ALPG: variants seen among roughly 807,000 people sequenced by gnomAD.
ALPG encodes alkaline phosphatase, germ cell type.
A neutral mutation model predicts 48.6 loss-of-function variants in ALPG; 32 were observed. That is an observed-to-expected ratio of 0.66 (90% CI 0.50 to 0.88). The LOEUF (loss-of-function observed/expected upper bound fraction) is 0.88, where lower values mean the gene tolerates loss of function less well. ALPG is among the 40% of genes least tolerant of loss of function. The probability of loss-of-function intolerance (pLI) is 0.00; values close to 1 mark genes in which losing one functional copy is unlikely to be tolerated. For synonymous variants in ALPG, 244 were observed against 308.9 expected, an observed-to-expected ratio of 0.79 and a Z score of 2.20; for missense variants, 533 against 718.1, an observed-to-expected ratio of 0.74 and a Z score of 2.95.
At position 232,407,786 on chromosome 2, in the gene ALPG, G is replaced by A. The variant is rs1470320423; in HGVS notation, c.475+18G>A. ...GAAAGCAGGTGAGCTGGGGCCCGCT[G>A]TGGGGTCAGGGCCAGGTGACAGACC... On this transcript the variant is annotated intron_variant, in intron 4 of 10. Transcript: ENST00000295453. The A allele has an allele frequency of 6.2e-7, 1 of 1,613,802 alleles. No individual in the cohort carries two copies. The highest frequency in any genetic ancestry group is 1.7e-5 in the Admixed American group (1 of 60,024).
At position 232,408,733 on chromosome 2, in the gene ALPG, G is replaced by T. The variant is rs1209364094; in HGVS notation, c.886G>T (p.Glu296Ter). 2 of 1,352,540 alleles carry T rather than the reference G, an allele frequency of 1.5e-6. No homozygotes were observed. The highest frequency in any genetic ancestry group is 2.1e-5 in the African/African-American group (1 of 48,484). The allele number at this position is 1,352,540 out of a possible 1,614,324, so 83.8% of individuals were successfully genotyped here. ...CTTTGAGCCTGGAGACATGAAATAC[G>T]AGATCCACCGAGACTCCACACTGGA... is the stretch of plus-strand genomic sequence containing the variant. ...GLFEPGDMKYEIHRDSTLDPS... is the reference protein window; with the variant it reads ...GLFEPGDMKY The change falls in exon 8 of 11, where the codon GAG becomes TAG. Residue 296 changes from glutamate (E) to a stop codon, truncating the protein, a stop_gained. Transcript: ENST00000295453. LOFTEE classifies it high-confidence loss of function.
Position 232,410,013 on chromosome 2 carries a change from C to A in ALPG, c.*141C>A. On this transcript the variant is annotated 3_prime_UTR_variant, in exon 11 of 11. Coordinates refer to ENST00000295453, the MANE Select transcript of ALPG (RefSeq NM_031313.3). ...GTCCTGCCATGGAACCTTCCCCTCCCGGTGCACCCTGGGGACCGAGCCCTT... is the reference window on the plus strand; with the variant it reads ...GTCCTGCCATGGAACCTTCCCCTCCAGGTGCACCCTGGGGACCGAGCCCTT... 1 of 1,297,170 alleles carries A rather than the reference C, an allele frequency of 7.7e-7. No homozygotes were observed. Among genetic ancestry groups the A allele is most frequent in the Non-Finnish European group, 1.0e-6 (1 of 973,710 alleles). The allele number at this position is 1,297,170 out of a possible 1,614,324, so 80.4% of individuals were successfully genotyped here.
chr2:232,407,294 G>A lies in ALPG; in HGVS notation c.193G>A (p.Val65Met). The A allele has an allele frequency of 6.2e-7, 1 of 1,614,012 alleles. No individual in the cohort carries two copies. Among genetic ancestry groups the A allele is most frequent in the Non-Finnish European group, 8.5e-7 (1 of 1,180,008 alleles). ...CACTTCTGCTCCTTCAGGGATGGGGGTGTCTACGGTGACAGCTGCCAGGAT... is the reference window on the plus strand; with the variant it reads ...CACTTCTGCTCCTTCAGGGATGGGGATGTCTACGGTGACAGCTGCCAGGAT... ...LIIFLGDGMG[V>M]STVTAARILK... The change falls in exon 3 of 11, where the codon GTG (valine) becomes ATG (methionine). Residue 65 changes from valine (V) to methionine (M), a missense_variant. Physicochemically the swap from Val to Met is conservative, Grantham distance 21. Around this residue, in one of 6 missense-constraint regions of ALPG, gnomAD observed 315 missense variants for 305.8 expected, o/e 1.03. Transcript: ENST00000295453.
At chr2:232,408,219 G>A (rs549828948) in intron 5 of ALPG, 48 bp from the exon 6 acceptor site, 9 of 1,608,130 alleles carry the variant, frequency 5.6e-6, no homozygotes, top group Admixed American at 3.3e-5. Flanking sequence ...GAGGGGACAC[G>A]GGGCCAGCCA....
Position 232,407,046 on chromosome 2 carries a change from C to T in ALPG, c.68-11C>T. 6.2e-7 allele frequency: 1 copy of T among 1,613,774 alleles called. No individual in the cohort carries two copies. Among genetic ancestry groups the T allele is most frequent in the Non-Finnish European group, 8.5e-7 (1 of 1,179,976 alleles). On this transcript the variant is annotated splice_polypyrimidine_tract_variant and intron_variant, in intron 1 of 10. Coordinates refer to ENST00000295453, the MANE Select transcript of ALPG (RefSeq NM_031313.3). ...CCAGGCTGACCTGATCTTTGCTCTC[C>T]CCCTGGCCAGTTGAGGAGGAGAACC...
chr2:232,409,990 C>T lies in ALPG; in HGVS notation c.*118C>T. ...ACCCCCGGAGTCGCCACACAGACGT[C>T]CTGCCATGGAACCTTCCCCTCCCGG... On this transcript the variant is annotated 3_prime_UTR_variant, in exon 11 of 11. Transcript: ENST00000295453. 1 of 1,404,730 alleles carries T rather than the reference C, an allele frequency of 7.1e-7. No individual in the cohort carries two copies. Among genetic ancestry groups the T allele is most frequent in the Non-Finnish European group, 9.4e-7 (1 of 1,068,590 alleles). The allele number at this position is 1,404,730 out of a possible 1,614,324, so 87.0% of individuals were successfully genotyped here.
At position 232,407,911 on chromosome 2, in the gene ALPG, A is replaced by C. The variant is rs374388513; in HGVS notation, c.542A>C (p.His181Pro). The C allele has an allele frequency of 6.2e-7, 1 of 1,613,500 alleles. No individual in the cohort carries two copies. Among genetic ancestry groups the C allele is most frequent in the Non-Finnish European group, 8.5e-7 (1 of 1,180,016 alleles). The change falls in exon 5 of 11, where the codon CAC becomes CCC. Residue 181 changes from histidine to proline, a missense_variant. By Grantham distance (77) the His-to-Pro change is moderately conservative. Transcript: ENST00000295453. ...QHASPAGAYA[H>P]TVNRNWYSDA... ...GCCTCGCCAGCCGGCGCCTACGCCC[A>C]CACGGTGAACCGCAACTGGTACTCG...
Position 232,410,529 on chromosome 2 carries a change from AGTT to A in ALPG, c.*658_*660del, listed in dbSNP as rs1437176460. The A allele has an allele frequency of 6.5e-6, 1 of 152,802 alleles. No homozygotes were observed. Among genetic ancestry groups the A allele is most frequent in the Non-Finnish European group, 1.5e-5 (1 of 68,572 alleles). The allele number at this position is 152,802 out of a possible 1,614,324, so 9.5% of individuals were successfully genotyped here. On this transcript the variant is annotated 3_prime_UTR_variant, in exon 11 of 11. Transcript: ENST00000295453. ...TAAGGTCCATTCCAGCACCCACCTG[AGTT>A]CCGAGGAGCACCTGGGAAGCTCTGG... is the stretch of plus-strand genomic sequence containing the variant.
Position 232,407,929 on chromosome 2 carries a change from GGTACTCGGATGCCGAC to G in ALPG, c.563_578del (p.Tyr188CysfsTer25). On this transcript the variant is annotated frameshift_variant, in exon 5 of 11. Transcript: ENST00000295453. LOFTEE classifies it high-confidence loss of function. ...TACGCCCACACGGTGAACCGCAACT[GGTACTCGGATGCCGAC>G]GTGCCTGCCTCGGCCCGCCAGGAGG... is the stretch of plus-strand genomic sequence containing the variant. 6.2e-7 allele frequency: 1 copy of G among 1,613,468 alleles called. No individual in the cohort carries two copies. The highest frequency in any genetic ancestry group is 8.5e-7 in the Non-Finnish European group (1 of 1,180,010).
In ALPG at chr2:232,409,773, C is replaced by T; in HGVS notation, c.1500C>T (p.Gly500=). 2 of 1,605,996 alleles carry T rather than the reference C, an allele frequency of 1.2e-6. No individual in the cohort carries two copies. The highest frequency in any genetic ancestry group is 1.1e-5 in the South Asian group (1 of 90,488). The change falls in exon 11 of 11, where the codon GGC becomes GGT. Residue 500 remains glycine, a synonymous_variant. Transcript: ENST00000295453. ...YTACDLAPRA[G]TTDAAHPGPS... is the part of the protein sequence containing the mutation. The stretch of plus-strand genomic sequence containing the variant: ...CCTGCGACCTGGCGCCCCGCGCCGG[C>T]ACCACCGACGCCGCGCACCCGGGGC...
rs781703646 is a variant in ALPG, at chr2:232,408,826, C to G, written c.979C>G (p.Leu327Val). Reference sequence around the variant, plus strand: ...GAGCAGGAACCCCCGCGGCTTCTTCCTCTTCGTGGAGGGTGCGTGGTGGCC... The same window carrying G: ...GAGCAGGAACCCCCGCGGCTTCTTCGTCTTCGTGGAGGGTGCGTGGTGGCC... Reference protein sequence around the residue: ...LLSRNPRGFFLFVEGGRIDHG... With the variant: ...LLSRNPRGFFVFVEGGRIDHG... The change falls in exon 8 of 11, where the codon CTC (leucine) becomes GTC (valine). Residue 327 changes from leucine (L) to valine (V), a missense_variant. This residue lies in a region of ALPG where 17 missense variants were observed against 56.2 expected (regional missense o/e 0.30). Coordinates refer to ENST00000295453, the MANE Select transcript of ALPG (RefSeq NM_031313.3). The G allele has an allele frequency of 1.0e-6, 1 of 992,640 alleles. No individual in the cohort carries two copies. The highest frequency in any genetic ancestry group is 1.4e-6 in the Non-Finnish European group (1 of 707,506). The allele number at this position is 992,640 out of a possible 1,614,324, so 61.5% of individuals were successfully genotyped here.
Position 232,408,021 on chromosome 2 carries a change from C to G in ALPG, c.648+4C>G, listed in dbSNP as rs370897967. On this transcript the variant is annotated splice_donor_region_variant and intron_variant, in intron 5 of 10. Coordinates refer to ENST00000295453, the MANE Select transcript of ALPG (RefSeq NM_031313.3). Reference sequence around the variant, plus strand: ...CATCTCCAACATGGACATTGATGTGCGACCCCCGGGCCAAGGGCTGGGGCT... The same window carrying G: ...CATCTCCAACATGGACATTGATGTGGGACCCCCGGGCCAAGGGCTGGGGCT... 3.6e-5 allele frequency: 58 copies of G among 1,606,480 alleles called. No individual in the cohort carries two copies. In the African/African-American group the frequency reaches 6.3e-4, roughly 17 times the overall value.
intron 10 of ALPG, 35 bp downstream of exon 10, chr2:232,409,483 A>T (rs776621008): frequency 1.9e-5 from 31 of 1,600,266 alleles, no homozygotes; most frequent in South Asian, 1.1e-5. Flanking sequence ...GAGGGGGACC[A>T]GGGTGCCAAG....
intron 5 of ALPG, 58 bp from the exon 6 acceptor site, chr2:232,408,209 G>C (rs973682863): frequency 1.1e-5 from 18 of 1,605,086 alleles, no homozygotes; most frequent in Non-Finnish European, 1.5e-5. Context: ...TGTGCATGAG[G>C]AGGGGACACG....
chr2:232,407,450 T>C, intron 3 of ALPG, 49 bp downstream of exon 3: 2 of 1,603,790 alleles, frequency 1.2e-6, no homozygotes, highest in Non-Finnish European at 1.7e-6. Context: ...AGGGGAATCC[T>C]GGCTATGGAG....
Position 232,407,743 on chromosome 2 carries a change from C to T in ALPG, c.450C>T (p.Ser150=), listed in dbSNP as rs147653632. The change falls in exon 4 of 11, where the codon TCC becomes TCT. Residue 150 remains serine (S), a synonymous_variant. Transcript: ENST00000295453. ...CNTTRGNEVI[S]VMNRAKKAGK... ...CGACACGCGGCAACGAGGTCATCTC[C>T]GTGATGAATCGGGCCAAGAAAGCAG... 4.5e-3 allele frequency: 7,192 copies of T among 1,613,756 alleles called. 83 individuals are homozygous for T. Among genetic ancestry groups the T allele is most frequent in the African/African-American group, 0.023 (1,754 of 75,034 alleles).
chr2:232,410,200 G>A lies in ALPG; in HGVS notation c.*328G>A, dbSNP rs1369018226. ...GGTGGATCAGGCAGGCTCTCTCCCCGGGGACATGAGGCACCCATACCTAGG... is the reference window on the plus strand; with the variant it reads ...GGTGGATCAGGCAGGCTCTCTCCCCAGGGACATGAGGCACCCATACCTAGG... On this transcript the variant is annotated 3_prime_UTR_variant, in exon 11 of 11. Coordinates refer to ENST00000295453, the MANE Select transcript of ALPG (RefSeq NM_031313.3). 3.2e-5 allele frequency: 14 copies of A among 434,344 alleles called. No individual in the cohort carries two copies. The highest frequency in any genetic ancestry group is 9.7e-5 in the South Asian group (3 of 31,060). 26.9% of individuals were successfully genotyped at this position (434,344 alleles called of 1,614,324 possible). A position where few individuals can be genotyped will look rare whatever the true frequency, so the allele number is the denominator to read the frequency against.
rs372574780 is a variant in ALPG at position 232,407,744 on chromosome 2, G to A, written c.451G>A (p.Val151Met). The stretch of plus-strand genomic sequence containing the variant: ...GACACGCGGCAACGAGGTCATCTCC[G>A]TGATGAATCGGGCCAAGAAAGCAGG... ...NTTRGNEVISVMNRAKKAGKS... is the reference protein window; with the variant it reads ...NTTRGNEVISMMNRAKKAGKS... Residue 151 changes from valine to methionine, a missense_variant, in exon 4 of 11, where the codon GTG becomes ATG. Transcript: ENST00000295453. 62 of 1,613,698 alleles carry A rather than the reference G, an allele frequency of 3.8e-5. No individual in the cohort carries two copies. Among genetic ancestry groups the A allele is most frequent in the Middle Eastern group, 1.6e-4 (1 of 6,078 alleles).
Position 232,407,073 on chromosome 2 carries a change from G to A in ALPG, c.84G>A (p.Pro28=), listed in dbSNP as rs1351342028. 8.7e-6 allele frequency: 14 copies of A among 1,613,798 alleles called. No homozygotes were observed. Among genetic ancestry groups the A allele is most frequent in the Admixed American group, 1.7e-5 (1 of 60,004 alleles). Reference sequence around the variant, plus strand: ...CCTGGCCAGTTGAGGAGGAGAACCCGGACTTCTGGAACCGCCAGGCAGCCG... The same window carrying A: ...CCTGGCCAGTTGAGGAGGAGAACCCAGACTTCTGGAACCGCCAGGCAGCCG... ...LGIIPVEEEN[P]DFWNRQAAEA... is the part of the protein sequence containing the mutation. Residue 28 remains proline (P), a synonymous_variant, in exon 2 of 11, where the codon CCG becomes CCA. Coordinates refer to ENST00000295453, the MANE Select transcript of ALPG (RefSeq NM_031313.3).
Sources: gnomAD v4.1 joint callset for allele counts on GRCh38, gnomAD v4.1.1 for gene constraint, gnomAD v4.1.1 regional missense constraint, MANE v1.5 for transcripts, NCBI Gene and HGNC (gene_info 2026-07-23, HGNC 2026-07-21) for gene names.